The following CLSTN2 variants were observed in gnomAD, a reference collection of about 807,000 sequenced individuals.
CLSTN2 encodes calsyntenin 2.
In CLSTN2, 48 loss-of-function variants were observed where a neutral mutation model predicts 101.2. The ratio of observed to expected loss-of-function variants is 0.47; its 90% CI spans 0.38 to 0.60. The LOEUF (loss-of-function observed/expected upper bound fraction) is 0.60, where lower values mean the gene tolerates loss of function less well. Among genes scored for constraint, CLSTN2 ranks in the 20% least tolerant of loss-of-function variants. CLSTN2 has a pLI of 0.00. For missense variants in CLSTN2, 1,160 were observed against 1,238.2 expected (o/e 0.94, Z 0.95); for synonymous variants, 481 against 463.6 (o/e 1.04, Z -0.48).
chr3:140,397,836 A>G (rs1314522685), intron 2 of CLSTN2, among the ~76,000 whole-genome samples: 1 of 152,258 alleles, frequency 6.6e-6, no homozygotes, highest in Non-Finnish European at 1.5e-5. Flanking sequence ...TTTTACTTGT[A>G]CATGACTGTG....
At chr3:140,427,243 AT>A (rs2088582190) in intron 5 of CLSTN2, among the ~76,000 whole-genome samples, 1 of 141,368 alleles carries the variant, frequency 7.1e-6, no homozygotes, top group African/African-American at 2.8e-5. Flanking sequence ...ATATATATAT[AT>A]ACATATATAT....
At chr3:140,547,097 G>C (rs900309312) in intron 10 of CLSTN2, among the ~76,000 whole-genome samples, 8 of 152,188 alleles carry the variant, frequency 5.3e-5, no homozygotes, top group African/African-American at 1.9e-4. Context: ...AAATTAAAAA[G>C]GAAAGCGAAA....
chr3:140,281,672 A>T (rs2086848699), intron 2 of CLSTN2, among the ~76,000 whole-genome samples: 1 of 152,160 alleles, frequency 6.6e-6, no homozygotes, highest in Non-Finnish European at 1.5e-5. Flanking sequence ...GCTGATTAGA[A>T]GCATCAAGTT....
chr3:140,047,516 T>C (rs1456862779), intron 1 of CLSTN2, among the ~76,000 whole-genome samples: 1 of 152,248 alleles, frequency 6.6e-6, no homozygotes, highest in East Asian at 1.9e-4. Flanking sequence ...GGAAACTCTA[T>C]GTGTCTTAGT....
At chr3:140,279,498 A>G (rs1017986418) in intron 2 of CLSTN2, among the ~76,000 whole-genome samples, 10 of 152,236 alleles carry the variant, frequency 6.6e-5, no homozygotes, top group African/African-American at 2.4e-4. Context: ...AGTGGTGGCT[A>G]TGAGCAGATG....
At chr3:140,297,854 G>T (rs1340809817) in intron 2 of CLSTN2, among the ~76,000 whole-genome samples, 1 of 152,182 alleles carries the variant, frequency 6.6e-6, no homozygotes, top group Non-Finnish European at 1.5e-5. Context: ...AATACAGGTG[G>T]TTCTCAGCTT....
At chr3:139,972,063 A>C (rs1311144536) in intron 1 of CLSTN2, among the ~76,000 whole-genome samples, 1 of 152,172 alleles carries the variant, frequency 6.6e-6, no homozygotes, top group Non-Finnish European at 1.5e-5. Flanking sequence ...CAGGAGTTCA[A>C]GACCAGCATG....
chr3:139,990,632 C>T (rs535469055), intron 1 of CLSTN2, among the ~76,000 whole-genome samples: 66 of 152,300 alleles, frequency 4.3e-4, no homozygotes, highest in African/African-American at 1.5e-3. Context: ...AGAGAAGGCT[C>T]ACTACGGGGA....
intron 8 of CLSTN2, among the ~76,000 whole-genome samples, chr3:140,473,467 G>C (rs12639449): frequency 0.08 from 12,209 of 152,230 alleles, 650 homozygotes; most frequent in East Asian, 0.12. Context: ...TCTTATGGGC[G>C]CAATATAATA....
At chr3:139,939,589 G>A (rs895341388) in intron 1 of CLSTN2, among the ~76,000 whole-genome samples, 3 of 152,156 alleles carry the variant, frequency 2.0e-5, no homozygotes, top group African/African-American at 7.2e-5. Flanking sequence ...TGCAGGTGAG[G>A]TGAGGGAAAC....
At chr3:140,186,864 G>A (rs1165840328) in intron 2 of CLSTN2, among the ~76,000 whole-genome samples, 1 of 152,006 alleles carries the variant, frequency 6.6e-6, no homozygotes, top group Non-Finnish European at 1.5e-5. Flanking sequence ...GTGTGTTAGG[G>A]ATTCTTTCTG....
chr3:140,476,152 T>C (rs961510717), intron 8 of CLSTN2, among the ~76,000 whole-genome samples: 23 of 152,192 alleles, frequency 1.5e-4, no homozygotes, highest in African/African-American at 5.1e-4. Context: ...GAACGATATT[T>C]TCTGTCACTT....
chr3:140,375,535 A>T (rs1340349711), intron 2 of CLSTN2, among the ~76,000 whole-genome samples: 1 of 152,028 alleles, frequency 6.6e-6, no homozygotes, highest in African/African-American at 2.4e-5. Context: ...CTAGTTTTAT[A>T]CTTTGTAGAT....
chr3:140,052,693 G>A (rs546657837), intron 1 of CLSTN2, among the ~76,000 whole-genome samples: 93 of 152,308 alleles, frequency 6.1e-4, no homozygotes, highest in African/African-American at 2.1e-3. Flanking sequence ...CTCTTTTGAA[G>A]CGTAGCCCTT....
At chr3:140,304,684 T>C (rs559504067) in intron 2 of CLSTN2, among the ~76,000 whole-genome samples, 5 of 152,118 alleles carry the variant, frequency 3.3e-5, no homozygotes, top group Non-Finnish European at 7.4e-5. Context: ...TGAAGATGAC[T>C]CTCCAGGGCT....
rs2010394056 is a variant in CLSTN2, at chr3:140,180,616, C to T, written c.232+4543C>T. On this transcript the variant is annotated intron_variant, in intron 2 of 16. Coordinates refer to ENST00000458420, the MANE Select transcript of CLSTN2 (RefSeq NM_022131.3). ...GAGGTCTGTTAGGAAACTGTGGAGA[C>T]TTTTAAATTTCAAGGGAATTAGATT... Among the ~76,000 whole-genome samples, 6 of 152,156 alleles carry T rather than the reference C, an allele frequency of 3.9e-5. No homozygotes were observed. In the South Asian group the frequency reaches 1.2e-3, roughly 32 times the overall value.
intron 1 of CLSTN2, among the ~76,000 whole-genome samples, chr3:139,966,625 A>T (rs1935602981): frequency 6.6e-6 from 1 of 152,182 alleles, no homozygotes; most frequent in Non-Finnish European, 1.5e-5. Context: ...CTTGCATAGC[A>T]CCATGGTCTC....
intron 2 of CLSTN2, among the ~76,000 whole-genome samples, chr3:140,252,507 C>T (rs1437426257): frequency 6.6e-6 from 1 of 152,064 alleles, no homozygotes; most frequent in East Asian, 1.9e-4. Flanking sequence ...CACAGAAGGG[C>T]GTATAGATGA....
intron 2 of CLSTN2, among the ~76,000 whole-genome samples, chr3:140,222,078 C>T (rs753995867): frequency 1.2e-4 from 18 of 151,792 alleles, no homozygotes; most frequent in Middle Eastern, 6.8e-3. Flanking sequence ...AGATGTCCAC[C>T]GAGAGATGAA....
Sources: allele counts gnomAD v4.1 joint callset (sites outside exome capture counted in the v4.1 genomes callset), GRCh38; gene constraint gnomAD v4.1.1; transcripts MANE v1.5; gene names NCBI Gene and HGNC (gene_info 2026-07-23, HGNC 2026-07-21).